SLC4A5: variants seen among roughly 807,000 people sequenced by gnomAD.
SLC4A5 encodes the protein electrogenic sodium bicarbonate cotransporter 4.
A neutral mutation model predicts 120.4 loss-of-function variants in SLC4A5; 96 were observed. The ratio of observed to expected loss-of-function variants is 0.80; its 90% CI spans 0.68 to 0.94. The LOEUF (loss-of-function observed/expected upper bound fraction) is 0.94, where lower values mean the gene tolerates loss of function less well. Ranked by LOEUF, SLC4A5 falls within the 40% of genes least tolerant of loss-of-function variation. The pLI is 0.00. For missense variants in SLC4A5, 1,259 were observed against 1,459.5 expected, an observed-to-expected ratio of 0.86 and a Z score of 2.24; for synonymous variants, 550 against 571.1, an observed-to-expected ratio of 0.96 and a Z score of 0.53.
At chr2:74,232,131 C>A (rs899588007) in intron 24 of SLC4A5, among the ~76,000 whole-genome samples, 3 of 152,058 alleles carry the variant, frequency 2.0e-5, no homozygotes, top group African/African-American at 7.2e-5. Flanking sequence ...GCAGTAGGGG[C>A]CTGGAGGGTC....
intron 8 of SLC4A5, among the ~76,000 whole-genome samples, chr2:74,274,720 G>A (rs948169125): frequency 2.0e-4 from 30 of 152,318 alleles, no homozygotes; most frequent in African/African-American, 7.0e-4. Flanking sequence ...AAAGGCTGAT[G>A]CATAAACCTG....
chr2:74,306,589 C>A (rs1199947533), intron 6 of SLC4A5: 1 of 319,432 alleles, frequency 3.1e-6, no homozygotes, highest in Non-Finnish European at 5.9e-6. Flanking sequence ...CATATTGGCT[C>A]TTTCAACTAG....
At chr2:74,259,976 G>A (rs1045286292) in intron 11 of SLC4A5, among the ~76,000 whole-genome samples, 1 of 152,110 alleles carries the variant, frequency 6.6e-6, no homozygotes, top group African/African-American at 2.4e-5. Flanking sequence ...ATAGGAGGAG[G>A]GACACAGACG....
chr2:74,221,045 A>G (rs912644902), intron 30 of SLC4A5, among the ~76,000 whole-genome samples: 6 of 151,318 alleles, frequency 4.0e-5, no homozygotes, highest in Admixed American at 1.3e-4. Context: ...GGGTTTCACC[A>G]TGTTAGCCAG....
intron 8 of SLC4A5, among the ~76,000 whole-genome samples, chr2:74,277,744 G>A (rs547925571): frequency 2.7e-4 from 41 of 152,154 alleles, no homozygotes; most frequent in African/African-American, 9.9e-4. Context: ...TTTTGAGACA[G>A]TAAGAGAAAC....
At chr2:74,324,322 G>A (rs566626814) in intron 5 of SLC4A5, among the ~76,000 whole-genome samples, 4 of 152,214 alleles carry the variant, frequency 2.6e-5, no homozygotes, top group Admixed American at 6.5e-5. Context: ...GTTCAATGGC[G>A]CAATCACAGC....
intron 4 of SLC4A5, among the ~76,000 whole-genome samples, chr2:74,329,911 TG>T (rs1176440872): frequency 6.7e-6 from 1 of 149,872 alleles, no homozygotes; most frequent in Non-Finnish European, 1.5e-5. Flanking sequence ...TAGATGGAGG[TG>T]GTAAGTTGTA....
Position 74,291,748 on chromosome 2 carries a change from G to A in SLC4A5, c.272-5846C>T, listed in dbSNP as rs138873129. Among the ~76,000 whole-genome samples the A allele has an allele frequency of 4.0e-3, 605 of 152,312 alleles. 5 individuals are homozygous for A. The highest frequency in any genetic ancestry group is 8.8e-3 in the African/African-American group (364 of 41,572). ...GCCTCCCATAGTGTTGGGATTACAG[G>A]TGTGAGCCATCACACGTGGCCACAA... On this transcript the variant is annotated intron_variant, in intron 7 of 30. Coordinates refer to ENST00000394019, the Ensembl canonical transcript of SLC4A5.
chr2:74,325,041 A>G (rs969008607), intron 5 of SLC4A5, among the ~76,000 whole-genome samples: 1 of 152,196 alleles, frequency 6.6e-6, no homozygotes, highest in East Asian at 1.9e-4. Flanking sequence ...TGTCCTTCTC[A>G]GTTGTGTTGA....
chr2:74,234,410 C>T (rs944167999), intron 22 of SLC4A5, among the ~76,000 whole-genome samples: 1 of 152,170 alleles, frequency 6.6e-6, no homozygotes, highest in African/African-American at 2.4e-5. Flanking sequence ...ATCTCCTCAC[C>T]TCATGATCCG....
At chr2:74,219,227 GTGT>G (rs1694545770) in intron 30 of SLC4A5, among the ~76,000 whole-genome samples, 2 of 139,022 alleles carry the variant, frequency 1.4e-5, no homozygotes, top group East Asian at 4.1e-4. Context: ...GTGTTTGTGT[GTGT>G]TTTCAAATGG....
At chr2:74,329,864 A>G (rs184181300) in intron 4 of SLC4A5, among the ~76,000 whole-genome samples, 5 of 151,174 alleles carry the variant, frequency 3.3e-5, no homozygotes, top group Non-Finnish European at 7.4e-5. Context: ...TGATATGTGA[A>G]TGGAGGTGGT....
chr2:74,268,833 T>C (rs6743843), intron 8 of SLC4A5, among the ~76,000 whole-genome samples: 4,560 of 152,350 alleles, frequency 0.03, 212 homozygotes, highest in African/African-American at 0.1. Flanking sequence ...ACTAGTGAGA[T>C]TGAACATCTT....
intron 7 of SLC4A5, among the ~76,000 whole-genome samples, chr2:74,304,264 G>A (rs921251490): frequency 5.3e-5 from 8 of 152,206 alleles, no homozygotes; most frequent in Non-Finnish European, 1.0e-4. Context: ...TCAGAGTCGA[G>A]GTCTCAAAGT....
At chr2:74,260,444 T>C (rs1009258896) in intron 11 of SLC4A5, among the ~76,000 whole-genome samples, 2 of 152,142 alleles carry the variant, frequency 1.3e-5, no homozygotes, top group African/African-American at 2.4e-5. Context: ...CAACACCCAT[T>C]TGGGCTGAGG....
chr2:74,337,235 A>T (rs1673511893), intron 3 of SLC4A5, among the ~76,000 whole-genome samples: 1 of 152,158 alleles, frequency 6.6e-6, no homozygotes, highest in African/African-American at 2.4e-5. Flanking sequence ...CTAGGCCAAG[A>T]GGACCCCAGG....
intron 10 of SLC4A5, among the ~76,000 whole-genome samples, chr2:74,263,861 T>C (rs959971496): frequency 6.6e-6 from 1 of 152,162 alleles, no homozygotes; most frequent in Admixed American, 6.5e-5. Flanking sequence ...CTCTCCAAGG[T>C]GGGGCCCAGG....
intron 6 of SLC4A5, among the ~76,000 whole-genome samples, chr2:74,312,461 C>G (rs972272551): frequency 6.6e-6 from 1 of 151,988 alleles, no homozygotes. Context: ...AACTCTTGAC[C>G]TCAAGTGATC....
intron 16 of SLC4A5, chr2:74,250,754 G>T: frequency 2.0e-6 from 1 of 500,852 alleles, no homozygotes; most frequent in South Asian, 2.3e-5. Context: ...GAGAGGGAAA[G>T]TCTGATGGGA....
Sources: gnomAD v4.1 joint callset for allele counts (sites outside exome capture counted in the v4.1 genomes callset) on GRCh38, gnomAD v4.1.1 for gene constraint, MANE v1.5 for transcripts, NCBI Gene and HGNC (gene_info 2026-07-23, HGNC 2026-07-21) for gene names.